The following TECR variants were observed in gnomAD, a reference collection of about 807,000 sequenced individuals.
TECR encodes very-long-chain enoyl-CoA reductase.
A neutral mutation model predicts 50.6 loss-of-function variants in TECR; 19 were observed. The observed-to-expected ratio is 0.38, with a 90% CI of 0.26 to 0.55. The LOEUF (loss-of-function observed/expected upper bound fraction) is 0.55. Ranked by LOEUF, TECR falls within the 20% of genes least tolerant of loss-of-function variation. TECR has a pLI of 0.79. For synonymous variants in TECR, 168 were observed against 163.5 expected, an observed-to-expected ratio of 1.03 and a Z score of -0.21; for missense variants, 313 against 408.3, an observed-to-expected ratio of 0.77 and a Z score of 2.01.
At chr19:14,560,242 C>G (rs898088189) in intron 1 of TECR, among the ~76,000 whole-genome samples, 8 of 152,156 alleles carry the variant, frequency 5.3e-5, no homozygotes, top group African/African-American at 9.6e-5. Context: ...ACGATTTCAC[C>G]CCTCCCACTA....
intron 2 of TECR, 119 bp downstream of exon 2, chr19:14,562,694 G>T (rs910271617): frequency 3.4e-6 from 4 of 1,171,300 alleles, no homozygotes; most frequent in African/African-American, 1.5e-5. Flanking sequence ...CTATGGAGGG[G>T]TATGCCCTCA....
Position 14,564,203 on chromosome 19 carries a change from A to C in TECR, c.405A>C (p.Ser135=), listed in dbSNP as rs751580386. Residue 135 remains serine, a synonymous_variant, in exon 7 of 13, where the codon TCA becomes TCC. Transcript: ENST00000215567. ...CCAGCCTCGCCTGCATCTGTCACTC[A>C]TTCCACTACATCAAGCGCCTGCTGG... ...TVVHLACICH[S]FHYIKRLLET... is the part of the protein sequence containing the mutation. 1.0e-5 allele frequency: 16 copies of C among 1,607,746 alleles called. No homozygotes were observed. The highest frequency in any genetic ancestry group is 1.3e-5 in the African/African-American group (1 of 74,682).
chr19:14,565,075 C>T lies in TECR; in HGVS notation c.616C>T (p.Leu206Phe). 2.5e-6 allele frequency: 4 copies of T among 1,613,894 alleles called. No individual in the cohort carries two copies. The highest frequency in any genetic ancestry group is 3.4e-6 in the Non-Finnish European group (4 of 1,180,032). Residue 206 changes from leucine (L) to phenylalanine (F), a missense_variant, in exon 10 of 13, where the codon CTC (leucine) becomes TTC (phenylalanine). Coordinates refer to ENST00000215567, the MANE Select transcript of TECR (RefSeq NM_138501.6). ...LALAIFVICQLGNFSIHMALR... is the reference protein window; with the variant it reads ...LALAIFVICQFGNFSIHMALR... ...CCTGCTTCTCTGACAGATCTGCCAG[C>T]TCGGCAACTTCTCCATCCACATGGC...
chr19:14,545,130 CA>C (rs1408820205), intron 1 of TECR: 1 of 456,604 alleles, frequency 2.2e-6, no homozygotes, highest in Non-Finnish European at 4.4e-6. Flanking sequence ...GATGATTCTT[CA>C]AGAAACCAAA....
At chr19:14,533,441 C>A (rs2072749075) in intron 1 of TECR, among the ~76,000 whole-genome samples, 1 of 151,908 alleles carries the variant, frequency 6.6e-6, no homozygotes, top group East Asian at 1.9e-4. Flanking sequence ...AGAAAAAAAT[C>A]TATTTCTGCT....
At position 14,562,539 on chromosome 19, in the gene TECR, C is replaced by T. The variant is rs552540887; in HGVS notation, c.30C>T (p.Asp10=). 239 of 1,614,194 alleles carry T rather than the reference C, an allele frequency of 1.5e-4. 6 individuals carry two copies. The South Asian group carries it at 2.4e-3, about 16-fold the overall frequency. ...TCTTCTTCGAGGTGGAGATTCTGGA[C>T]GCAAAGACAAGGGAGAAGCTGTGTT... MKHYEVEIL[D]AKTREKLCFL... The change falls in exon 2 of 13, where the codon GAC becomes GAT. Residue 10 remains aspartate (D), a synonymous_variant. Coordinates refer to ENST00000215567, the MANE Select transcript of TECR (RefSeq NM_138501.6).
intron 1 of TECR, among the ~76,000 whole-genome samples, chr19:14,534,924 C>T (rs1254850212): frequency 6.6e-6 from 1 of 152,174 alleles, no homozygotes; most frequent in Non-Finnish European, 1.5e-5. Flanking sequence ...TGATGCTGCC[C>T]TAGGACAGCT....
At chr19:14,553,564 T>C (rs1448352953) in intron 1 of TECR, among the ~76,000 whole-genome samples, 1 of 152,142 alleles carries the variant, frequency 6.6e-6, no homozygotes, top group African/African-American at 2.4e-5. Flanking sequence ...TCCTGGCAGC[T>C]GAGCCCTAGG....
chr19:14,535,584 A>ATATGTG, intron 1 of TECR, among the ~76,000 whole-genome samples: 1 of 38,600 alleles, frequency 2.6e-5, no homozygotes, highest in African/African-American at 9.4e-5. Flanking sequence ...ATATATATAT[A>ATATGTG]TATATGTATG....
intron 1 of TECR, among the ~76,000 whole-genome samples, chr19:14,548,504 T>C (rs2073379473): frequency 6.6e-6 from 1 of 152,206 alleles, no homozygotes; most frequent in African/African-American, 2.4e-5. Context: ...AGCCAGGGGT[T>C]GGCAAACTTA....
intron 1 of TECR, among the ~76,000 whole-genome samples, chr19:14,553,081 G>GTGTT (rs774048739): frequency 6.6e-6 from 1 of 152,066 alleles, no homozygotes; most frequent in Non-Finnish European, 1.5e-5. Flanking sequence ...ACTTCCCACT[G>GTGTT]TGTTTGTCTT....
At chr19:14,544,904 A>G (rs545134217) in intron 1 of TECR, among the ~76,000 whole-genome samples, 1 of 152,158 alleles carries the variant, frequency 6.6e-6, no homozygotes, top group East Asian at 1.9e-4. Context: ...AAGTGCTGGG[A>G]TTACAGACAA....
chr19:14,560,102 G>C (rs1362097485), intron 1 of TECR, among the ~76,000 whole-genome samples: 3 of 152,192 alleles, frequency 2.0e-5, no homozygotes, highest in Non-Finnish European at 4.4e-5. Flanking sequence ...GCAGCTGTGA[G>C]CGTGGCCCCT....
intron 1 of TECR, among the ~76,000 whole-genome samples, chr19:14,560,976 A>C (rs1351521701): frequency 6.6e-6 from 1 of 152,024 alleles, no homozygotes; most frequent in African/African-American, 2.4e-5. Context: ...CCCCCTTCTG[A>C]GGCCTAGAGA....
At chr19:14,529,565 C>T (rs1268086165), upstream of TECR, 1 of 1,420,096 alleles carries the variant, frequency 7.0e-7, no homozygotes, top group African/African-American at 1.4e-5. Flanking sequence ...CGCGCGCGGC[C>T]TGGAGGGGCG....
chr19:14,547,714 A>G (rs116153949), intron 1 of TECR, among the ~76,000 whole-genome samples: 4,162 of 150,268 alleles, frequency 0.028, 197 homozygotes, highest in African/African-American at 0.096. Flanking sequence ...GTTGGAGTGC[A>G]ATGGTGCTAT....
At chr19:14,558,056 A>G (rs2073793331) in intron 1 of TECR, among the ~76,000 whole-genome samples, 1 of 152,158 alleles carries the variant, frequency 6.6e-6, no homozygotes. Flanking sequence ...CGCCCGGCCT[A>G]TATTTATCCT....
At chr19:14,562,727 T>C in intron 2 of TECR, 152 bp downstream of exon 2, 1 of 894,656 alleles carries the variant, frequency 1.1e-6, no homozygotes. Context: ...TGGATAGCCA[T>C]GTCCCCTGGG....
In TECR at chr19:14,563,614, G is replaced by A; in HGVS notation, c.119-44G>A. On this transcript the variant is annotated intron_variant, in intron 3 of 12. Coordinates refer to ENST00000215567, the MANE Select transcript of TECR (RefSeq NM_138501.6). The surrounding 1 kb of genome is among the most constrained non-coding windows in gnomAD (Gnocchi z 5.3). The stretch of plus-strand genomic sequence containing the variant: ...AGTGGCTGGGCAGCGGACCGGCTGA[G>A]CCCTGCCAGGCTGTGGGCTGTAACT... The A allele has an allele frequency of 6.2e-7, 1 of 1,609,824 alleles. No individual in the cohort carries two copies. The highest frequency in any genetic ancestry group is 8.5e-7 in the Non-Finnish European group (1 of 1,179,656).
Sources: gnomAD v4.1 joint callset for allele counts (sites outside exome capture counted in the v4.1 genomes callset) on GRCh38, gnomAD v4.1.1 for gene constraint, Gnocchi (gnomAD v3.1) non-coding constraint, MANE v1.5 for transcripts, NCBI Gene and HGNC (gene_info 2026-07-23, HGNC 2026-07-21) for gene names.